Variants in EYS observed in about 807,000 individuals in gnomAD.
The protein encoded by EYS is EGF-like photoreceptor maintenance factor, also known as protein eyes shut homolog.
Under a neutral mutation model 282.1 loss-of-function variants are expected in EYS, and 250 were observed. The ratio of observed to expected loss-of-function variants is 0.89; its 90% CI spans 0.80 to 0.98. EYS has a LOEUF of 0.98. Among genes scored for constraint, EYS ranks in the 50% least tolerant of loss-of-function variants. The pLI is 0.00. For synonymous variants in EYS, 1,355 were observed against 1,282.9 expected (o/e 1.06, Z -1.20); for missense variants, 4,016 against 3,709.0 (o/e 1.08, Z -2.15).
intron 2 of EYS, among the ~76,000 whole-genome samples, chr6:65,619,023 C>T (rs559767757): frequency 3.9e-5 from 6 of 152,244 alleles, no homozygotes; most frequent in East Asian, 3.9e-4. Context: ...TTCAGATTGA[C>T]TTGGCGATGC....
intron 12 of EYS, among the ~76,000 whole-genome samples, chr6:65,211,207 C>A (rs1301763114): frequency 2.0e-5 from 3 of 151,884 alleles, no homozygotes; most frequent in Non-Finnish European, 2.9e-5. Flanking sequence ...CAGAGAAGTA[C>A]CACAAATTGA....
intron 12 of EYS, among the ~76,000 whole-genome samples, chr6:65,168,663 G>A (rs779465513): frequency 1.3e-5 from 2 of 151,256 alleles, no homozygotes; most frequent in Admixed American, 6.6e-5. Context: ...GAAATGTAGA[G>A]GGTACACAAA....
chr6:64,421,827 C>A (rs73767803), intron 28 of EYS, among the ~76,000 whole-genome samples: 9 of 143,616 alleles, frequency 6.3e-5, no homozygotes, highest in Non-Finnish European at 9.2e-5. Context: ...AGAGAGAGAG[C>A]GAGAGAGAGA....
chr6:65,234,900 T>C (rs1396207047), intron 12 of EYS, among the ~76,000 whole-genome samples: 1 of 152,120 alleles, frequency 6.6e-6, no homozygotes, highest in East Asian at 1.9e-4. Flanking sequence ...TACTAATAAA[T>C]TGGGAGTAGA....
At chr6:65,115,221 A>C (rs7754267) in intron 12 of EYS, among the ~76,000 whole-genome samples, 39,788 of 151,922 alleles carry the variant, frequency 0.26, 6,401 homozygotes, top group African/African-American at 0.45. Flanking sequence ...TTATGAAATG[A>C]ATTTCTATCA....
At chr6:63,843,448 A>AT (rs1465723871) in intron 36 of EYS, among the ~76,000 whole-genome samples, 1 of 152,144 alleles carries the variant, frequency 6.6e-6, no homozygotes, top group Non-Finnish European at 1.5e-5. Context: ...TCGCACATTG[A>AT]TTTTACATCC....
At chr6:65,675,246 A>G (rs1438765406) in intron 1 of EYS, among the ~76,000 whole-genome samples, 2 of 151,822 alleles carry the variant, frequency 1.3e-5, no homozygotes, top group African/African-American at 4.8e-5. Context: ...TATGGCAATA[A>G]TAAGTCTTTA....
chr6:64,274,472 C>G (rs1194873615), intron 30 of EYS, among the ~76,000 whole-genome samples: 1 of 123,526 alleles, frequency 8.1e-6, no homozygotes. Flanking sequence ...CGAGCCACCA[C>G]GCCTGGCCGT....
chr6:64,346,519 A>T lies in EYS; in HGVS notation c.6079-39437T>A, dbSNP rs1015514713. On this transcript the variant is annotated intron_variant, in intron 29 of 42. Transcript: ENST00000503581. Reference sequence around the variant, plus strand: ...TTGAACAATGAGAACACATGGGTACAGGAAGGGGAACATCACACACCAGGG... The same window carrying T: ...TTGAACAATGAGAACACATGGGTACTGGAAGGGGAACATCACACACCAGGG... Among the ~76,000 whole-genome samples the T allele has an allele frequency of 4.6e-5, 7 of 151,068 alleles. No individual in the cohort carries two copies. In the East Asian group the frequency reaches 1.4e-3, roughly 30 times the overall value.
chr6:64,686,771 A>ATATATATATATATATATGTG (rs1770129132), intron 22 of EYS, among the ~76,000 whole-genome samples: 1 of 8,388 alleles, frequency 1.2e-4, no homozygotes, highest in Non-Finnish European at 1.5e-3. Flanking sequence ...ATGTGTGTAT[A>ATATATATATATATATATGTG]TATATATATA....
chr6:64,020,702 T>C (rs996766003), intron 33 of EYS, among the ~76,000 whole-genome samples: 1 of 152,172 alleles, frequency 6.6e-6, no homozygotes, highest in African/African-American at 2.4e-5. Flanking sequence ...GAAATATTGA[T>C]ATTCCAGAGT....
intron 29 of EYS, among the ~76,000 whole-genome samples, chr6:64,341,649 A>G (rs1202359668): frequency 6.6e-6 from 1 of 151,570 alleles, no homozygotes; most frequent in Non-Finnish European, 1.5e-5. Context: ...TCTCACATTT[A>G]CCCCCTCTTT....
chr6:64,567,184 G>A (rs1242807099), intron 26 of EYS, among the ~76,000 whole-genome samples: 2 of 151,676 alleles, frequency 1.3e-5, no homozygotes, highest in Admixed American at 6.6e-5. Flanking sequence ...ATGCAATAAC[G>A]CATTTTAGAA....
chr6:64,611,562 T>A (rs1034842609), intron 24 of EYS, among the ~76,000 whole-genome samples: 4 of 152,166 alleles, frequency 2.6e-5, no homozygotes, highest in Non-Finnish European at 4.4e-5. Flanking sequence ...TCTCTTTGGA[T>A]AACAAACTGA....
At chr6:65,485,754 G>A (rs533237558) in intron 5 of EYS, among the ~76,000 whole-genome samples, 21 of 152,118 alleles carry the variant, frequency 1.4e-4, no homozygotes, top group Admixed American at 1.1e-3. Flanking sequence ...GCAGTGAGCC[G>A]AGATTCACCA....
At chr6:63,735,137 A>G (rs1768876636) in intron 41 of EYS, among the ~76,000 whole-genome samples, 1 of 152,058 alleles carries the variant, frequency 6.6e-6, no homozygotes, top group African/African-American at 2.4e-5. Context: ...GAGGCCTTAC[A>G]TTGCTCAGTT....
chr6:64,651,738 A>G (rs918413930), intron 22 of EYS, among the ~76,000 whole-genome samples: 3 of 152,338 alleles, frequency 2.0e-5, no homozygotes, highest in Middle Eastern at 3.4e-3. Flanking sequence ...CAATATTGTT[A>G]TAAGAGATTT....
chr6:65,287,353 G>C (rs994123458), intron 12 of EYS, among the ~76,000 whole-genome samples: 1 of 151,182 alleles, frequency 6.6e-6, no homozygotes, highest in African/African-American at 2.4e-5. Context: ...CATTTCCCTT[G>C]GGGTCACTTC....
chr6:65,003,546 C>A lies in EYS; in HGVS notation c.2138-5843G>T, dbSNP rs542542836. Among the ~76,000 whole-genome samples the A allele has an allele frequency of 6.8e-5, 10 of 147,402 alleles. 2 individuals carry two copies. In the East Asian group the frequency reaches 1.9e-3, roughly 28 times the overall value. On this transcript the variant is annotated intron_variant, in intron 13 of 42. Coordinates refer to ENST00000503581, the MANE Select transcript of EYS (RefSeq NM_001142800.2). ...TAAAGTACTTGATGTCTGTGACCCACACCTATTCGCACACTCCCTCCCCTT... is the reference window on the plus strand; with the variant it reads ...TAAAGTACTTGATGTCTGTGACCCAAACCTATTCGCACACTCCCTCCCCTT...
Sources: gnomAD v4.1 joint callset for allele counts (sites outside exome capture counted in the v4.1 genomes callset) on GRCh38, gnomAD v4.1.1 for gene constraint, MANE v1.5 for transcripts, NCBI Gene and HGNC (gene_info 2026-07-23, HGNC 2026-07-21) for gene names.